RHOBTB1: variants seen among roughly 807,000 people sequenced by gnomAD.
The protein encoded by RHOBTB1 is rho-related BTB domain-containing protein 1.
In RHOBTB1, 40 loss-of-function variants were observed where a neutral mutation model predicts 71.6. The observed-to-expected ratio is 0.56, with a 90% CI of 0.43 to 0.73. The LOEUF is 0.73. Ranked by LOEUF, RHOBTB1 falls within the 30% of genes least tolerant of loss-of-function variation. The pLI, the probability that RHOBTB1 is intolerant of heterozygous loss-of-function variation, is 0.00. For missense variants in RHOBTB1, 797 were observed against 894.0 expected, an observed-to-expected ratio of 0.89 and a Z score of 1.38; for synonymous variants, 319 against 334.9, an observed-to-expected ratio of 0.95 and a Z score of 0.52.
At chr10:60,887,665 G>C (rs1024249083) in intron 6 of RHOBTB1, among the ~76,000 whole-genome samples, 2 of 152,192 alleles carry the variant, frequency 1.3e-5, no homozygotes, top group African/African-American at 4.8e-5. Context: ...AAACAGATGA[G>C]ACACCCCTTG....
At chr10:60,890,863 G>C (rs1484419614) in intron 5 of RHOBTB1, among the ~76,000 whole-genome samples, 3 of 152,184 alleles carry the variant, frequency 2.0e-5, no homozygotes, top group Admixed American at 2.0e-4. Flanking sequence ...AGACTGACTT[G>C]AAATTTACCA....
intron 2 of RHOBTB1, among the ~76,000 whole-genome samples, chr10:60,952,653 T>C (rs1331382367): frequency 6.6e-6 from 1 of 152,248 alleles, no homozygotes; most frequent in African/African-American, 2.4e-5. Flanking sequence ...TACCCTTCCC[T>C]ATTCATTCAA....
intron 1 of RHOBTB1, among the ~76,000 whole-genome samples, chr10:60,999,299 TC>T (rs2087171863): frequency 6.6e-6 from 1 of 152,086 alleles, no homozygotes; most frequent in South Asian, 2.1e-4. Flanking sequence ...AAAAAAGACA[TC>T]CCCAACTTCA....
chr10:60,888,712 T>G lies in RHOBTB1; in HGVS notation c.956A>C (p.Asp319Ala), dbSNP rs1264843331. Residue 319 changes from aspartate (D) to alanine (A), a missense_variant, in exon 6 of 11, where the codon GAT (aspartate) becomes GCT (alanine). Asp to Ala is a moderately radical substitution (Grantham distance 126). Transcript: ENST00000337910. The stretch of plus-strand genomic sequence containing the variant: ...GACACTCAATATCCGCCCCTGGAAA[T>G]CTCTGCTCTGCTTCTCTTTCTCACA... ...GACEKEKQSR[D>A]FQGRILSVDP... 1 of 1,614,192 alleles carries G rather than the reference T, an allele frequency of 6.2e-7. No individual in the cohort carries two copies. Among genetic ancestry groups the G allele is most frequent in the Non-Finnish European group, 8.5e-7 (1 of 1,180,024 alleles).
chr10:60,927,996 A>G (rs531485498), intron 2 of RHOBTB1, among the ~76,000 whole-genome samples: 2 of 151,908 alleles, frequency 1.3e-5, no homozygotes, highest in South Asian at 2.1e-4. Context: ...AAAAAATCCA[A>G]TTTAAAAATG....
rs1012910134 is a variant in RHOBTB1, at chr10:60,875,055, G to A, written c.1727-13C>T. ...ACGGCATGCTGTTCTGGGGAAGAGA[G>A]AGGGGGCAGGAGAACATTAAACCAC... On this transcript the variant is annotated splice_polypyrimidine_tract_variant and intron_variant, in intron 8 of 10. Coordinates refer to ENST00000337910, the MANE Select transcript of RHOBTB1 (RefSeq NM_014836.5). 6.2e-7 allele frequency: 1 copy of A among 1,609,064 alleles called. No individual in the cohort carries two copies. Among genetic ancestry groups the A allele is most frequent in the Admixed American group, 1.7e-5 (1 of 60,022 alleles).
intron 4 of RHOBTB1, among the ~76,000 whole-genome samples, chr10:60,899,777 A>G (rs2082326022): frequency 6.6e-6 from 1 of 152,258 alleles, no homozygotes; most frequent in African/African-American, 2.4e-5. Context: ...CATTATGTTC[A>G]CATTCTAGTG....
upstream of RHOBTB1, among the ~76,000 whole-genome samples, chr10:61,001,657 C>A (rs2087282527): frequency 6.6e-6 from 1 of 152,122 alleles, no homozygotes; most frequent in Non-Finnish European, 1.5e-5. Context: ...GCCGGACAGT[C>A]CTGCGGGCGG....
chr10:60,969,350 T>G (rs1415276845), intron 2 of RHOBTB1, among the ~76,000 whole-genome samples: 2 of 152,126 alleles, frequency 1.3e-5, no homozygotes, highest in Admixed American at 1.3e-4. Flanking sequence ...AGAAAGACAG[T>G]GCTTAGAATG....
chr10:60,866,631 G>A (rs532962305), downstream of RHOBTB1, among the ~76,000 whole-genome samples: 9 of 152,008 alleles, frequency 5.9e-5, no homozygotes, highest in African/African-American at 1.7e-4. Flanking sequence ...AATTGCTCCC[G>A]AGTGAATCAG....
chr10:60,973,581 A>AT (rs2086229875), intron 2 of RHOBTB1, among the ~76,000 whole-genome samples: 1 of 152,084 alleles, frequency 6.6e-6, no homozygotes, highest in Non-Finnish European at 1.5e-5. Context: ...TTCAAAAGAA[A>AT]CAACACCAAC....
At chr10:60,860,995 AT>A in the RHOBTB1 span, among the ~76,000 whole-genome samples, 1 of 152,208 alleles carries the variant, frequency 6.6e-6, no homozygotes, top group African/African-American at 2.4e-5. Flanking sequence ...ATGAATTGAA[AT>A]TATTTGTGAT....
chr10:60,930,695 C>A (rs2084192566), intron 2 of RHOBTB1, among the ~76,000 whole-genome samples: 1 of 152,122 alleles, frequency 6.6e-6, no homozygotes, highest in Admixed American at 6.5e-5. Flanking sequence ...TACAGTGAAC[C>A]TCCTAAAAAA....
chr10:60,956,510 T>C lies in RHOBTB1; in HGVS notation c.-61-14656A>G, dbSNP rs571201650. On this transcript the variant is annotated intron_variant, in intron 2 of 11. Coordinates refer to the RHOBTB1 transcript ENST00000357917. ...CTATAACTTTTTTATTTTGTAAGCT[T>C]AATTTTTAAAAACCTTTTGGCTATT... is the stretch of plus-strand genomic sequence containing the variant. 4.6e-3 allele frequency among the ~76,000 whole-genome samples: 700 copies of C among 152,312 alleles called. 1 individual carries two copies. The highest frequency in any genetic ancestry group is 7.0e-3 in the Non-Finnish European group (479 of 68,020).
In RHOBTB1 at chr10:60,884,925, C is replaced by CT. The variant is rs531216257; in HGVS notation, c.1575+1186dup. ...AATTCTAGTGTACATTTTTTTTGTC[C>CT]TTTTTTTTTTAGAGACAGGTTCTCA... On this transcript the variant is annotated intron_variant, in intron 7 of 10. Transcript: ENST00000337910. 1.7e-3 allele frequency among the ~76,000 whole-genome samples: 252 copies of CT among 146,630 alleles called. 4 individuals are homozygous for CT. Among genetic ancestry groups the CT allele is most frequent in the African/African-American group, 5.6e-3 (226 of 40,110 alleles).
At chr10:60,967,951 G>A (rs539759762) in intron 2 of RHOBTB1, among the ~76,000 whole-genome samples, 5 of 152,192 alleles carry the variant, frequency 3.3e-5, no homozygotes, top group African/African-American at 1.2e-4. Flanking sequence ...CCATTATGCT[G>A]GTAGAAAAGG....
At position 60,888,491 on chromosome 10, in the gene RHOBTB1, G is replaced by T. The variant is rs762801403; in HGVS notation, c.1177C>A (p.Arg393=). 22 of 1,614,034 alleles carry T rather than the reference G, an allele frequency of 1.4e-5. No individual in the cohort carries two copies. The highest frequency in any genetic ancestry group is 6.7e-5 in the African/African-American group (5 of 74,906). Residue 393 remains arginine (R), a synonymous_variant, in exon 6 of 11, where the codon CGG becomes AGG. Coordinates refer to ENST00000337910, the MANE Select transcript of RHOBTB1 (RefSeq NM_014836.5). ...CTGACCACAGTCATGGGCCCCATCCGCTTTGAAATGGGGTTGACTTGCATT... is the reference window on the plus strand; with the variant it reads ...CTGACCACAGTCATGGGCCCCATCCTCTTTGAAATGGGGTTGACTTGCATT... The part of the protein sequence containing the change: ...REMQVNPISK[R]MGPMTVVRMD...
Position 60,892,058 on chromosome 10 carries a change from G to A in RHOBTB1, c.482+752C>T, listed in dbSNP as rs868737739. On this transcript the variant is annotated intron_variant, in intron 5 of 10. Transcript: ENST00000337910. ...CCTCTGCCATGATTGCAAATTTCCT[G>A]AGGCCTCCGCAGCCATGCTAAACTG... is the stretch of plus-strand genomic sequence containing the variant. Among the ~76,000 whole-genome samples, 9 of 152,270 alleles carry A rather than the reference G, an allele frequency of 5.9e-5. No individual in the cohort carries two copies. The Middle Eastern group carries it at 0.01, about 173-fold the overall frequency.
intron 1 of RHOBTB1, among the ~76,000 whole-genome samples, chr10:60,995,260 C>T (rs1228728899): frequency 1.3e-5 from 2 of 152,130 alleles, no homozygotes; most frequent in South Asian, 2.1e-4. Context: ...ACTGAGGACT[C>T]AGTGCACATA....
Sources: allele counts gnomAD v4.1 joint callset (sites outside exome capture counted in the v4.1 genomes callset), GRCh38; gene constraint gnomAD v4.1.1; transcripts MANE v1.5; gene names NCBI Gene and HGNC (gene_info 2026-07-23, HGNC 2026-07-21).